Variants in AP3B1 observed in about 807,000 individuals in gnomAD.
The protein encoded by AP3B1 is AP-3 complex subunit beta-1.
AP3B1 carries 61 observed loss-of-function variants against 132.5 expected under a neutral mutation model. That is an observed-to-expected ratio of 0.46 (90% CI 0.37 to 0.57). The LOEUF (loss-of-function observed/expected upper bound fraction) is 0.57. Among genes scored for constraint, AP3B1 ranks in the 20% least tolerant of loss-of-function variants. The pLI is 0.00. For missense variants in AP3B1, 1,120 were observed against 1,289.4 expected, an observed-to-expected ratio of 0.87 and a Z score of 2.01; for synonymous variants, 388 against 438.3, an observed-to-expected ratio of 0.89 and a Z score of 1.43.
chr5:78,248,250 G>A (rs1237048413), intron 2 of AP3B1, among the ~76,000 whole-genome samples: 1 of 152,074 alleles, frequency 6.6e-6, no homozygotes, highest in Non-Finnish European at 1.5e-5. Flanking sequence ...CCAGCACTTT[G>A]GGAGGCTGAG....
Position 78,141,233 on chromosome 5 carries a change from C to T in AP3B1, c.1560G>A (p.Lys520=). ...VPKIAPDVLR[K]MAKSFTSEDD... The stretch of plus-strand genomic sequence containing the variant: ...CTTCACTAGTGAAGCTTTTAGCCAT[C>T]TTCCTCAAAACATCAGGGGCAATTT... Residue 520 remains lysine (K), a synonymous_variant, in exon 15 of 27, where the codon AAG becomes AAA. Transcript: ENST00000255194. 1 of 1,613,812 alleles carries T rather than the reference C, an allele frequency of 6.2e-7. No homozygotes were observed. The highest frequency in any genetic ancestry group is 8.5e-7 in the Non-Finnish European group (1 of 1,179,750).
At chr5:78,183,798 C>T (rs1227341278) in intron 7 of AP3B1, among the ~76,000 whole-genome samples, 1 of 142,444 alleles carries the variant, frequency 7.0e-6, no homozygotes, top group Non-Finnish European at 1.5e-5. Flanking sequence ...GCTCATGAGG[C>T]GGAGGTTGCA....
At chr5:78,191,493 A>G (rs190602337) in intron 7 of AP3B1, among the ~76,000 whole-genome samples, 19 of 152,246 alleles carry the variant, frequency 1.2e-4, no homozygotes, top group African/African-American at 4.6e-4. Flanking sequence ...AAAAATTACA[A>G]TCCTGCTAAC....
At chr5:78,192,148 C>A (rs192960851) in intron 7 of AP3B1, among the ~76,000 whole-genome samples, 46 of 151,872 alleles carry the variant, frequency 3.0e-4, no homozygotes, top group African/African-American at 1.0e-3. Flanking sequence ...GTGTGAGCCA[C>A]TGCACCCAGT....
At chr5:78,196,784 T>C (rs1191760278) in intron 7 of AP3B1, among the ~76,000 whole-genome samples, 1 of 152,208 alleles carries the variant, frequency 6.6e-6, no homozygotes, top group Admixed American at 6.5e-5. Flanking sequence ...GGTTACATAT[T>C]GTATGATTCC....
At chr5:78,130,596 TAC>T (rs1752644658) in intron 15 of AP3B1, among the ~76,000 whole-genome samples, 1 of 152,040 alleles carries the variant, frequency 6.6e-6, no homozygotes, top group Admixed American at 6.6e-5. Flanking sequence ...CTGGTTCAAG[TAC>T]AGGTAAGAAA....
At chr5:78,022,815 T>A (rs1747160974) in intron 24 of AP3B1, among the ~76,000 whole-genome samples, 1 of 152,166 alleles carries the variant, frequency 6.6e-6, no homozygotes, top group Non-Finnish European at 1.5e-5. Flanking sequence ...TGATTTTTTT[T>A]AAGGATTTAC....
In AP3B1 at chr5:78,100,991, G is replaced by A. The variant is rs772045234; in HGVS notation, c.2432C>T (p.Pro811Leu). Residue 811 changes from proline (P) to leucine (L), a missense_variant, in exon 21 of 27, where the codon CCT (proline) becomes CTT (leucine). By Grantham distance (98) the Pro-to-Leu change is moderately conservative. Transcript: ENST00000255194. ...KEKKTKQDRT[P>L]LTKDVSLLDL... is the part of the protein sequence containing the mutation. ...TAGAAGTGAAACATCTTTGGTAAGA[G>A]GAGTTCTATCTTGCTTTGTTTTCTT... 2 of 1,553,100 alleles carry A rather than the reference G, an allele frequency of 1.3e-6. No individual in the cohort carries two copies. The highest frequency in any genetic ancestry group is 1.8e-6 in the Non-Finnish European group (2 of 1,128,422).
intron 22 of AP3B1, among the ~76,000 whole-genome samples, chr5:78,063,582 C>T (rs1336850474): frequency 6.6e-6 from 1 of 152,266 alleles, no homozygotes; most frequent in Non-Finnish European, 1.5e-5. Context: ...AATCCTATGA[C>T]ACATGGTAAA....
At position 78,216,241 on chromosome 5, in the gene AP3B1, G is replaced by A; in HGVS notation, c.604-4C>T. On this transcript the variant is annotated splice_region_variant and splice_polypyrimidine_tract_variant and intron_variant, in intron 6 of 26. Transcript: ENST00000255194. The stretch of plus-strand genomic sequence containing the variant: ...TCACAACACTGCCAGCTACCAACTA[G>A]AAAAGAAAGAAATAGTAACTTATTA... 1 of 1,612,974 alleles carries A rather than the reference G, an allele frequency of 6.2e-7. No individual in the cohort carries two copies. Among genetic ancestry groups the A allele is most frequent in the Non-Finnish European group, 8.5e-7 (1 of 1,179,446 alleles).
intron 21 of AP3B1, among the ~76,000 whole-genome samples, chr5:78,093,752 A>G (rs1320964049): frequency 2.6e-5 from 4 of 152,228 alleles, no homozygotes; most frequent in Non-Finnish European, 5.9e-5. Flanking sequence ...ATCATGTGTT[A>G]GGCACAGTTC....
Position 78,294,574 on chromosome 5 carries a change from G to C in AP3B1, c.6C>G (p.Ser2=). 1 of 1,614,132 alleles carries C rather than the reference G, an allele frequency of 6.2e-7. No individual in the cohort carries two copies. The highest frequency in any genetic ancestry group is 1.1e-5 in the South Asian group (1 of 91,086). Residue 2 remains serine, a synonymous_variant, in exon 1 of 27, where the codon TCC becomes TCG. Coordinates refer to ENST00000255194, the MANE Select transcript of AP3B1 (RefSeq NM_003664.5). M[S]SNSFPYNEQS... is the part of the protein sequence containing the mutation. ...GCTCATTGTAAGGAAAACTATTGCT[G>C]GACATTGCCGCGGTGCTGGCGGGTG... is the stretch of plus-strand genomic sequence containing the variant.
At chr5:78,257,429 C>G (rs1333014287) in intron 2 of AP3B1, among the ~76,000 whole-genome samples, 1 of 151,986 alleles carries the variant, frequency 6.6e-6, no homozygotes, top group Non-Finnish European at 1.5e-5. Context: ...ACTAGCCACA[C>G]ACAAAATTAA....
rs769307741 is a variant in AP3B1 at position 78,002,917 on chromosome 5, G to T, written c.3270C>A (p.Val1090=). The part of the protein sequence containing the change: ...GSVLLRELKP[V]LSQG ...TGTAAGCAGGTTACCCCTGAGACAG[G>T]ACAGGCTTCAGTTCCCGCAGCAGAA... The change falls in exon 27 of 27, where the codon GTC becomes GTA. Residue 1090 remains valine (V), a synonymous_variant. Transcript: ENST00000255194. 1.2e-6 allele frequency: 2 copies of T among 1,614,172 alleles called. No homozygotes were observed.
chr5:78,168,312 C>T (rs907367754), intron 11 of AP3B1, among the ~76,000 whole-genome samples: 2 of 151,244 alleles, frequency 1.3e-5, no homozygotes, highest in African/African-American at 4.9e-5. Context: ...CAGCCTCAAC[C>T]TCTGGGGCTC....
intron 23 of AP3B1, among the ~76,000 whole-genome samples, chr5:78,037,162 G>A (rs562254765): frequency 8.5e-5 from 13 of 152,114 alleles, no homozygotes; most frequent in Middle Eastern, 3.4e-3. Flanking sequence ...ATTCTACATA[G>A]GCCAACTAAA....
intron 2 of AP3B1, among the ~76,000 whole-genome samples, chr5:78,246,976 A>G (rs142842689): frequency 1.3e-5 from 2 of 152,206 alleles, no homozygotes; most frequent in East Asian, 3.9e-4. Flanking sequence ...CCTTGTAAGT[A>G]CTGTTTTACC....
chr5:78,043,677 C>T (rs958425737), intron 22 of AP3B1: 1 of 445,230 alleles, frequency 2.2e-6, no homozygotes, highest in Non-Finnish European at 4.5e-6. Context: ...CCAGCAGAGA[C>T]TCCCAGGCAT....
chr5:78,269,468 G>A (rs746633854), intron 1 of AP3B1, among the ~76,000 whole-genome samples: 1 of 152,078 alleles, frequency 6.6e-6, no homozygotes, highest in Non-Finnish European at 1.5e-5. Context: ...TTTAGCCCCA[G>A]AATGAACTAG....
Sources: allele counts gnomAD v4.1 joint callset (sites outside exome capture counted in the v4.1 genomes callset), GRCh38; gene constraint gnomAD v4.1.1; transcripts MANE v1.5; gene names NCBI Gene and HGNC (gene_info 2026-07-23, HGNC 2026-07-21).